Variants in PKD2 observed in about 807,000 individuals in gnomAD.
The protein encoded by PKD2 is polycystin-2.
Under a neutral mutation model 105.9 loss-of-function variants are expected in PKD2, and 48 were observed. That is an observed-to-expected ratio of 0.45 (90% CI 0.36 to 0.58). PKD2 has a LOEUF of 0.58. PKD2 is among the 20% of genes least tolerant of loss of function. The probability of loss-of-function intolerance (pLI) is 0.00; values close to 1 mark genes in which losing one functional copy is unlikely to be tolerated. For synonymous variants in PKD2, 464 were observed against 481.1 expected (o/e 0.96, Z 0.46); for missense variants, 1,078 against 1,255.3 (o/e 0.86, Z 2.13).
intron 12 of PKD2, 71 bp from the exon 13 acceptor site, chr4:88,067,827 C>G (rs1036658806): frequency 1.4e-6 from 2 of 1,386,134 alleles, no homozygotes; most frequent in Non-Finnish European, 2.0e-6. Flanking sequence ...TCCTGCTTGC[C>G]CAAGTCCTTG....
chr4:88,022,176 G>A (rs541983330), intron 2 of PKD2, among the ~76,000 whole-genome samples: 2 of 152,276 alleles, frequency 1.3e-5, no homozygotes, highest in East Asian at 3.9e-4. Flanking sequence ...CCATAGTGGA[G>A]GACTCCTCTT....
chr4:88,027,846 C>T (rs1727011302), intron 2 of PKD2, among the ~76,000 whole-genome samples: 1 of 152,150 alleles, frequency 6.6e-6, no homozygotes, highest in Non-Finnish European at 1.5e-5. Flanking sequence ...CCCCTTTTCC[C>T]TCTCTCTCCT....
At chr4:88,061,804 G>A (rs1165586652) in intron 9 of PKD2, 102 bp from the exon 10 acceptor site, 1 of 684,180 alleles carries the variant, frequency 1.5e-6, no homozygotes, top group Non-Finnish European at 2.7e-6. Flanking sequence ...ACTCAGATTA[G>A]GAAAAAAAGG....
intron 1 of PKD2, among the ~76,000 whole-genome samples, chr4:88,010,089 C>T (rs961512208): frequency 2.0e-5 from 3 of 150,964 alleles, no homozygotes; most frequent in Non-Finnish European, 2.9e-5. Context: ...ACTCAGGAAT[C>T]GGGAATTTTT....
intron 8 of PKD2, 137 bp from the exon 9 acceptor site, chr4:88,057,846 T>G: frequency 1.4e-6 from 1 of 716,716 alleles, no homozygotes; most frequent in Non-Finnish European, 2.5e-6. Flanking sequence ...TAAATGGGAT[T>G]GACAATTTTC....
intron 4 of PKD2, among the ~76,000 whole-genome samples, chr4:88,040,267 C>T (rs539201803): frequency 4.6e-5 from 7 of 152,262 alleles, no homozygotes; most frequent in African/African-American, 1.2e-4. Flanking sequence ...ATATTAATTG[C>T]GTCGTTAGGG....
chr4:88,021,090 A>T (rs1009281140), intron 2 of PKD2, among the ~76,000 whole-genome samples: 2 of 152,226 alleles, frequency 1.3e-5, no homozygotes, highest in Non-Finnish European at 2.9e-5. Context: ...CAGTGGCCTT[A>T]AATATTAACA....
At chr4:88,012,862 A>G (rs941268233) in intron 1 of PKD2, among the ~76,000 whole-genome samples, 5 of 152,146 alleles carry the variant, frequency 3.3e-5, no homozygotes, top group African/African-American at 7.2e-5. Flanking sequence ...TTCACTTAGC[A>G]TAGTATTTTC....
chr4:88,043,266 T>C lies in PKD2; in HGVS notation c.1128T>C (p.Gly376=). ...WIYTSEKDLN[G]SSHWGIIATY... is the part of the protein sequence containing the mutation. ...ACACAAGTGAAAAAGACTTGAATGGTAGTAGCCACTGGGGAATCATTGCAA... is the reference window on the plus strand; with the variant it reads ...ACACAAGTGAAAAAGACTTGAATGGCAGTAGCCACTGGGGAATCATTGCAA... The change falls in exon 5 of 15, where the codon GGT becomes GGC. Residue 376 remains glycine, a synonymous_variant. Coordinates refer to ENST00000237596, the MANE Select transcript of PKD2 (RefSeq NM_000297.4). 6.2e-7 allele frequency: 1 copy of C among 1,612,624 alleles called. No individual in the cohort carries two copies. Among genetic ancestry groups the C allele is most frequent in the Non-Finnish European group, 8.5e-7 (1 of 1,178,726 alleles).
intron 4 of PKD2, among the ~76,000 whole-genome samples, chr4:88,041,110 A>G (rs928197592): frequency 3.3e-5 from 5 of 151,876 alleles, no homozygotes; most frequent in African/African-American, 1.2e-4. Context: ...CCCAAACTAA[A>G]CTCATCGTTT....
chr4:88,048,667 A>T (rs1180019331), intron 6 of PKD2, among the ~76,000 whole-genome samples: 1 of 152,182 alleles, frequency 6.6e-6, no homozygotes, highest in Non-Finnish European at 1.5e-5. Flanking sequence ...AAATTCCTGT[A>T]GAATAGATGG....
At chr4:88,014,968 T>G (rs1356805658) in intron 1 of PKD2, among the ~76,000 whole-genome samples, 4 of 152,210 alleles carry the variant, frequency 2.6e-5, no homozygotes, top group Non-Finnish European at 5.9e-5. Flanking sequence ...AGGTAAGCTT[T>G]CTCAGCTCCC....
At chr4:88,051,887 C>A (rs1720117167) in intron 6 of PKD2, 104 bp from the exon 7 acceptor site, 5 of 670,740 alleles carry the variant, frequency 7.5e-6, no homozygotes, top group African/African-American at 1.8e-5. Context: ...TAATGGTGAG[C>A]CCTTATAATT....
Position 88,075,924 on chromosome 4 carries a change from A to G in PKD2, c.*230A>G, listed in dbSNP as rs1578154588. 1.5e-5 allele frequency: 8 copies of G among 538,890 alleles called. No individual in the cohort carries two copies. Among genetic ancestry groups the G allele is most frequent in the East Asian group, 3.3e-5 (1 of 30,126 alleles). 33.4% of individuals were successfully genotyped at this position (538,890 alleles called of 1,614,324 possible). On this transcript the variant is annotated 3_prime_UTR_variant, in exon 15 of 15. Transcript: ENST00000237596. ...CTAGGTGTAAATATTGAGTACAGAAAAAAAATCTTCATGATGTGTATTGAG... is the reference window on the plus strand; with the variant it reads ...CTAGGTGTAAATATTGAGTACAGAAGAAAAATCTTCATGATGTGTATTGAG...
intron 2 of PKD2, among the ~76,000 whole-genome samples, chr4:88,022,661 A>G (rs1455116067): frequency 1.3e-5 from 2 of 152,242 alleles, no homozygotes; most frequent in African/African-American, 4.8e-5. Context: ...AGCAATGTCA[A>G]TATCAAATGA....
In PKD2 at chr4:88,031,485, T is replaced by C. The variant is rs77179003; in HGVS notation, c.710-4735T>C. Among the ~76,000 whole-genome samples the C allele has an allele frequency of 6.0e-3, 910 of 152,338 alleles. 12 individuals carry two copies. The highest frequency in any genetic ancestry group is 0.021 in the African/African-American group (854 of 41,572). On this transcript the variant is annotated intron_variant, in intron 2 of 14. Transcript: ENST00000237596. ...TAGTTTTCCTGTGCAAAGTGATGGC[T>C]TCATCTTGTGGCAGATTACCTGGAA...
chr4:88,039,384 G>A (rs1395508123), intron 4 of PKD2, among the ~76,000 whole-genome samples: 1 of 152,086 alleles, frequency 6.6e-6, no homozygotes, highest in East Asian at 1.9e-4. Flanking sequence ...AAAAATCCAG[G>A]TTGGGCACAG....
intron 13 of PKD2, among the ~76,000 whole-genome samples, chr4:88,069,825 T>G (rs1409576374): frequency 6.6e-6 from 1 of 152,176 alleles, no homozygotes; most frequent in Non-Finnish European, 1.5e-5. Context: ...ATTCTCTTTC[T>G]CCGATACAGC....
chr4:88,035,417 G>A (rs550334506), intron 2 of PKD2, among the ~76,000 whole-genome samples: 1 of 152,266 alleles, frequency 6.6e-6, no homozygotes, highest in African/African-American at 2.4e-5. Flanking sequence ...TTTAATGAAG[G>A]GACTATTTAC....
Sources: gnomAD v4.1 joint callset for allele counts (sites outside exome capture counted in the v4.1 genomes callset) on GRCh38, gnomAD v4.1.1 for gene constraint, MANE v1.5 for transcripts, NCBI Gene and HGNC (gene_info 2026-07-23, HGNC 2026-07-21) for gene names.